The following EXOC4 variants were observed in gnomAD, a reference collection of about 807,000 sequenced individuals.
EXOC4 encodes the protein exocyst complex component 4, also known as SEC8-like 1.
EXOC4 carries 71 observed loss-of-function variants against 107.2 expected under a neutral mutation model. The ratio of observed to expected loss-of-function variants is 0.66; its 90% CI spans 0.55 to 0.81. The LOEUF is 0.81. Among genes scored for constraint, EXOC4 ranks in the 30% least tolerant of loss-of-function variants. The pLI is 0.00. For synonymous variants in EXOC4, 456 were observed against 441.2 expected, an observed-to-expected ratio of 1.03 and a Z score of -0.42; for missense variants, 1,108 against 1,189.6, an observed-to-expected ratio of 0.93 and a Z score of 1.01.
At chr7:133,672,408 A>AG (rs1554381667) in intron 10 of EXOC4, among the ~76,000 whole-genome samples, 1 of 151,116 alleles carries the variant, frequency 6.6e-6, no homozygotes, top group African/African-American at 2.4e-5. Context: ...AAAAAAAAAA[A>AG]GTACCTAGAA....
intron 17 of EXOC4, among the ~76,000 whole-genome samples, chr7:134,035,259 G>T (rs1240797971): frequency 6.6e-6 from 1 of 151,870 alleles, no homozygotes; most frequent in Non-Finnish European, 1.5e-5. Context: ...TGGTCAGGCT[G>T]GTCTTGAACT....
At chr7:133,569,166 G>A (rs1490793841) in intron 9 of EXOC4, among the ~76,000 whole-genome samples, 3 of 151,764 alleles carry the variant, frequency 2.0e-5, no homozygotes, top group Non-Finnish European at 4.4e-5. Flanking sequence ...TTTTTTAAAA[G>A]GCCAGATTAA....
chr7:134,060,774 C>T (rs1485989948), intron 17 of EXOC4, among the ~76,000 whole-genome samples: 2 of 152,336 alleles, frequency 1.3e-5, no homozygotes, highest in South Asian at 4.1e-4. Flanking sequence ...GGGTACCATT[C>T]TGAAAGATAA....
chr7:133,628,709 CCA>C (rs1470700211), intron 9 of EXOC4, among the ~76,000 whole-genome samples: 5 of 152,080 alleles, frequency 3.3e-5, no homozygotes, highest in Non-Finnish European at 7.4e-5. Context: ...GAATTGTCAC[CCA>C]CACAGTGTGT....
intron 11 of EXOC4, among the ~76,000 whole-genome samples, chr7:133,834,429 C>T (rs536700592): frequency 1.3e-5 from 2 of 152,298 alleles, no homozygotes; most frequent in South Asian, 4.1e-4. Context: ...TACAACCTTA[C>T]CCTGGCCAAT....
At chr7:133,395,251 AAGT>A (rs1234256959) in intron 7 of EXOC4, among the ~76,000 whole-genome samples, 1 of 151,996 alleles carries the variant, frequency 6.6e-6, no homozygotes, top group Non-Finnish European at 1.5e-5. Flanking sequence ...TTTAAATATA[AAGT>A]AGTCTTAAAA....
At chr7:133,618,698 A>G (rs9641952) in intron 9 of EXOC4, among the ~76,000 whole-genome samples, 20,624 of 152,142 alleles carry the variant, frequency 0.14, 1,531 homozygotes, top group East Asian at 0.25. Context: ...GTAGATATGT[A>G]GGAGTGCTGT....
intron 17 of EXOC4, among the ~76,000 whole-genome samples, chr7:134,008,132 T>C (rs1794686823): frequency 6.6e-6 from 1 of 152,160 alleles, no homozygotes; most frequent in South Asian, 2.1e-4. Flanking sequence ...ATAAAATATA[T>C]AAGATAAGAT....
chr7:133,356,834 G>A (rs1218467959), intron 6 of EXOC4, among the ~76,000 whole-genome samples: 2 of 152,186 alleles, frequency 1.3e-5, no homozygotes, highest in African/African-American at 4.8e-5. Context: ...ACAGAAATTA[G>A]CTGGGCATGG....
At chr7:133,789,996 A>G (rs1796670196) in intron 10 of EXOC4, among the ~76,000 whole-genome samples, 1 of 152,174 alleles carries the variant, frequency 6.6e-6, no homozygotes, top group African/African-American at 2.4e-5. Flanking sequence ...GATGAAATAT[A>G]TATTCTCATG....
chr7:133,379,674 C>T (rs1020283771), intron 7 of EXOC4, among the ~76,000 whole-genome samples: 1 of 151,814 alleles, frequency 6.6e-6, no homozygotes, highest in Admixed American at 6.6e-5. Flanking sequence ...CCATCTTTGG[C>T]TTTTACTTAT....
chr7:134,017,016 A>G (rs1794925220), intron 17 of EXOC4, among the ~76,000 whole-genome samples: 1 of 152,212 alleles, frequency 6.6e-6, no homozygotes, highest in Non-Finnish European at 1.5e-5. Context: ...CCACCTATCA[A>G]ATAAAAATTT....
intron 5 of EXOC4, among the ~76,000 whole-genome samples, chr7:133,345,995 A>G (rs758513649): frequency 6.6e-6 from 1 of 152,224 alleles, no homozygotes; most frequent in Non-Finnish European, 1.5e-5. Flanking sequence ...TCAAAATTCT[A>G]TACTCCAGAG....
At chr7:133,426,269 G>A (rs940710321) in intron 7 of EXOC4, among the ~76,000 whole-genome samples, 33 of 152,210 alleles carry the variant, frequency 2.2e-4, no homozygotes, top group Admixed American at 6.5e-4. Flanking sequence ...TTATGTGTCT[G>A]TAATTGCCAC....
chr7:133,364,430 A>G (rs910933739), intron 6 of EXOC4, among the ~76,000 whole-genome samples: 1 of 151,672 alleles, frequency 6.6e-6, no homozygotes. Context: ...GTGAGCCACC[A>G]TGCCTGGCCA....
At chr7:133,879,446 T>TA (rs1285432184) in intron 11 of EXOC4, among the ~76,000 whole-genome samples, 15 of 152,200 alleles carry the variant, frequency 9.9e-5, no homozygotes, top group African/African-American at 3.4e-4. Context: ...TATTCTTCCT[T>TA]AAAATAGGAC....
intron 17 of EXOC4, among the ~76,000 whole-genome samples, chr7:134,026,303 C>T (rs1204936034): frequency 1.3e-5 from 2 of 151,502 alleles, no homozygotes; most frequent in Non-Finnish European, 2.9e-5. Flanking sequence ...AGCTGGAAAT[C>T]TTAGGGAAAG....
Position 133,417,336 on chromosome 7 carries a change from G to T in EXOC4, c.1182+42334G>T, listed in dbSNP as rs74781478. 1.4e-3 allele frequency among the ~76,000 whole-genome samples: 214 copies of T among 152,260 alleles called. 2 individuals carry two copies. Among genetic ancestry groups the T allele is most frequent in the African/African-American group, 4.8e-3 (200 of 41,562 alleles). On this transcript the variant is annotated intron_variant, in intron 7 of 17. Coordinates refer to ENST00000253861, the MANE Select transcript of EXOC4 (RefSeq NM_021807.4). ...ATAGAATACACTGTCTTTAGAGATA[G>T]GGAGTTTCCTAACAAGGGAAGGATT...
chr7:133,364,284 C>T lies in EXOC4; in HGVS notation c.1007+7711C>T, dbSNP rs975725220. The stretch of plus-strand genomic sequence containing the variant: ...TAGTTGGGACTACAGTTATATGACA[C>T]GATGCCTAGCTATTTAAAGTATTTT... On this transcript the variant is annotated intron_variant, in intron 6 of 17. Transcript: ENST00000253861. Among the ~76,000 whole-genome samples the T allele has an allele frequency of 4.6e-5, 7 of 151,762 alleles. No individual in the cohort carries two copies. In the South Asian group the frequency reaches 1.0e-3, roughly 23 times the overall value.
Sources: gnomAD v4.1 joint callset for allele counts (sites outside exome capture counted in the v4.1 genomes callset) on GRCh38, gnomAD v4.1.1 for gene constraint, MANE v1.5 for transcripts, NCBI Gene and HGNC (gene_info 2026-07-23, HGNC 2026-07-21) for gene names.